SCP2: variants seen among roughly 807,000 people sequenced by gnomAD.
SCP2 encodes the protein SCP-2/3-oxoacyl-CoA thiolase.
Under a neutral mutation model 71.4 loss-of-function variants are expected in SCP2, and 48 were observed. That is an observed-to-expected ratio of 0.67 (90% CI 0.53 to 0.86). The LOEUF is 0.86. Ranked by LOEUF, SCP2 falls within the 40% of genes least tolerant of loss-of-function variation. SCP2 has a pLI of 0.00. For missense variants in SCP2, 560 were observed against 655.6 expected, an observed-to-expected ratio of 0.85 and a Z score of 1.59; for synonymous variants, 220 against 218.1, an observed-to-expected ratio of 1.01 and a Z score of -0.08.
At chr1:53,029,832 T>G (rs556382816) in intron 13 of SCP2, among the ~76,000 whole-genome samples, 1 of 152,166 alleles carries the variant, frequency 6.6e-6, no homozygotes, top group Non-Finnish European at 1.5e-5. Flanking sequence ...CTACCTGTTT[T>G]ATAACCTATG....
intron 5 of SCP2, among the ~76,000 whole-genome samples, chr1:52,959,702 T>A (rs1403216310): frequency 6.6e-6 from 1 of 152,018 alleles, no homozygotes; most frequent in Non-Finnish European, 1.5e-5. Context: ...ATTAACCTTA[T>A]TGGTAAAAAG....
At chr1:52,930,535 A>C (rs1358601481) in intron 1 of SCP2, among the ~76,000 whole-genome samples, 1 of 152,070 alleles carries the variant, frequency 6.6e-6, no homozygotes, top group East Asian at 1.9e-4. Flanking sequence ...CTTATCTGGG[A>C]GGATCACCTG....
intron 11 of SCP2, among the ~76,000 whole-genome samples, chr1:53,004,227 A>G (rs1660489271): frequency 6.6e-6 from 1 of 152,156 alleles, no homozygotes; most frequent in Admixed American, 6.5e-5. Context: ...AAACTTATGA[A>G]TTGTTTATTT....
At chr1:52,983,740 T>G (rs747028097) in intron 10 of SCP2, among the ~76,000 whole-genome samples, 2 of 152,238 alleles carry the variant, frequency 1.3e-5, no homozygotes, top group South Asian at 4.1e-4. Flanking sequence ...ACCTTGTAGT[T>G]CTAACAGCTG....
At chr1:52,976,076 A>G (rs1657937378) in intron 7 of SCP2, among the ~76,000 whole-genome samples, 1 of 152,236 alleles carries the variant, frequency 6.6e-6, no homozygotes, top group Non-Finnish European at 1.5e-5. Context: ...GAAGAGGCAT[A>G]TAGAGTGAGG....
chr1:52,984,119 C>T (rs1283266229), intron 10 of SCP2, among the ~76,000 whole-genome samples: 1 of 152,176 alleles, frequency 6.6e-6, no homozygotes, highest in Admixed American at 6.5e-5. Context: ...CTATAGACTT[C>T]TTCCCTTACT....
At position 53,019,840 on chromosome 1, in the gene SCP2, C is replaced by T. The variant is rs114336072; in HGVS notation, c.1235+4797C>T. On this transcript the variant is annotated intron_variant, in intron 12 of 15. Transcript: ENST00000371514. ...AATTTATAAAACTAGTTAAATGTCA[C>T]TTGTATGTGACAACTTTTTAAATTT... Among the ~76,000 whole-genome samples, 506 of 152,286 alleles carry T rather than the reference C, an allele frequency of 3.3e-3. 5 individuals carry two copies. Among genetic ancestry groups the T allele is most frequent in the African/African-American group, 0.012 (481 of 41,556 alleles).
rs778102585 is a variant in SCP2, at chr1:52,978,283, G to A, written c.741G>A (p.Leu247=). The A allele has an allele frequency of 6.2e-7, 1 of 1,613,978 alleles. No homozygotes were observed. The highest frequency in any genetic ancestry group is 8.5e-7 in the Non-Finnish European group (1 of 1,179,868). The change falls in exon 9 of 16, where the codon CTG becomes CTA. Residue 247 remains leucine (L), a synonymous_variant. Coordinates refer to ENST00000371514, the MANE Select transcript of SCP2 (RefSeq NM_002979.5). ...AAGCATTTGTACAGAAGTATGGCCTGCAATCCAAAGCTGTGGAAATTTTGG... is the reference window on the plus strand; with the variant it reads ...AAGCATTTGTACAGAAGTATGGCCTACAATCCAAAGCTGTGGAAATTTTGG... ...ASEAFVQKYG[L]QSKAVEILAQ... is the part of the protein sequence containing the mutation.
At chr1:53,039,339 C>G (rs1178409117) in intron 14 of SCP2, among the ~76,000 whole-genome samples, 1 of 152,210 alleles carries the variant, frequency 6.6e-6, no homozygotes, top group Non-Finnish European at 1.5e-5. Flanking sequence ...TTCTGAGACT[C>G]AGTTTTCTCT....
At chr1:52,928,836 C>T (rs1652816033) in intron 1 of SCP2, 1 of 154,390 alleles carries the variant, frequency 6.5e-6, no homozygotes, top group Non-Finnish European at 1.5e-5. Flanking sequence ...AGCGGAAGGA[C>T]ATCATCCTAG....
intron 1 of SCP2, among the ~76,000 whole-genome samples, chr1:52,936,414 C>T (rs534339082): frequency 2.2e-4 from 33 of 152,192 alleles, no homozygotes; most frequent in Non-Finnish European, 4.6e-4. Context: ...CAGATATATG[C>T]TTCCTAATGA....
At chr1:52,929,408 C>T (rs1454457911) in intron 1 of SCP2, among the ~76,000 whole-genome samples, 1 of 151,840 alleles carries the variant, frequency 6.6e-6, no homozygotes, top group Non-Finnish European at 1.5e-5. Flanking sequence ...AGATGGGTCT[C>T]ATTTCTACCA....
chr1:52,959,200 T>A (rs1372599575), intron 5 of SCP2, among the ~76,000 whole-genome samples: 14 of 148,670 alleles, frequency 9.4e-5, no homozygotes, highest in South Asian at 2.1e-4. Context: ...TAAAAAAAAT[T>A]TTTTTTTTTT....
At chr1:52,966,342 T>C (rs1288317612) in intron 6 of SCP2, among the ~76,000 whole-genome samples, 3 of 152,094 alleles carry the variant, frequency 2.0e-5, no homozygotes, top group African/African-American at 7.2e-5. Flanking sequence ...GCTTTTCCAG[T>C]ATCTATGGAG....
At chr1:53,006,553 A>G (rs1660649714) in intron 11 of SCP2, among the ~76,000 whole-genome samples, 4 of 152,220 alleles carry the variant, frequency 2.6e-5, no homozygotes, top group Admixed American at 2.6e-4. Context: ...AAGGAGAAAT[A>G]AAATCCTTTA....
intron 11 of SCP2, chr1:52,994,004 A>C: frequency 2.4e-6 from 3 of 1,224,558 alleles, no homozygotes; most frequent in Non-Finnish European, 2.1e-6. Flanking sequence ...TTGTAAAGAA[A>C]ATTTGTTTTC....
rs542022294 is a variant in SCP2, at chr1:52,985,525, T to C, written c.974-2504T>C. Among the ~76,000 whole-genome samples, 4 of 152,338 alleles carry C rather than the reference T, an allele frequency of 2.6e-5. No homozygotes were observed. In the East Asian group the frequency reaches 7.7e-4, roughly 29 times the overall value. ...TCTCATTTATATTATTGTTGGAGTC[T>C]TATGGCTGGTCCCGTGCTTCTGCCT... On this transcript the variant is annotated intron_variant, in intron 10 of 15. Transcript: ENST00000371514.
intron 13 of SCP2, among the ~76,000 whole-genome samples, chr1:53,029,302 C>T (rs1662358163): frequency 2.1e-5 from 3 of 145,456 alleles, no homozygotes; most frequent in Admixed American, 7.0e-5. Context: ...CTCACTTTGT[C>T]GCCCAGAATG....
At chr1:53,037,907 CACACACACACACACA>C (rs1338553504) in intron 13 of SCP2, among the ~76,000 whole-genome samples, 1 of 128,468 alleles carries the variant, frequency 7.8e-6, no homozygotes, top group African/African-American at 3.2e-5. Context: ...CACACACACA[CACACACACACACACA>C]CACACACAGA....
Sources: gnomAD v4.1 joint callset for allele counts (sites outside exome capture counted in the v4.1 genomes callset) on GRCh38, gnomAD v4.1.1 for gene constraint, MANE v1.5 for transcripts, NCBI Gene and HGNC (gene_info 2026-07-23, HGNC 2026-07-21) for gene names.